Variants in GLT1D1 observed in about 807,000 individuals in gnomAD.
GLT1D1 encodes the protein glycosyltransferase 1 domain containing 1.
A neutral mutation model predicts 28.7 loss-of-function variants in GLT1D1; 21 were observed. The ratio of observed to expected loss-of-function variants is 0.73; its 90% confidence interval spans 0.52 to 1.05. GLT1D1 has a LOEUF of 1.05. Among genes scored for constraint, GLT1D1 ranks in the 50% least tolerant of loss-of-function variants. The pLI is 0.00. For missense variants in GLT1D1, 343 were observed against 330.6 expected, an observed-to-expected ratio of 1.04 and a Z score of -0.29; for synonymous variants, 147 against 124.8, an observed-to-expected ratio of 1.18 and a Z score of -1.19.
intron 4 of GLT1D1, among the ~76,000 whole-genome samples, chr12:128,941,569 CTTTTTT>C (rs550204231): frequency 1.9e-5 from 2 of 107,554 alleles, no homozygotes; most frequent in East Asian, 2.9e-4. Flanking sequence ...CTCTCTTTCT[CTTTTTT>C]TTTTTTTTTT....
In GLT1D1 at chr12:128,926,344, ACTCTT is replaced by A. The variant is rs1410563146; in HGVS notation, c.376-18976_376-18972del. 1.2e-5 allele frequency: 16 copies of A among 1,371,598 alleles called. No homozygotes were observed. In the Admixed American group the frequency reaches 1.2e-4, roughly 10 times the overall value. 85.0% of individuals were successfully genotyped at this position (1,371,598 alleles called of 1,614,324 possible). On this transcript the variant is annotated intron_variant, in intron 4 of 7. Transcript: ENST00000281703. ...GCCCTCCCCACTGAAAACATTCTGA[ACTCTT>A]CTCTTACAGAGATTAACCAAAGTGC... is the stretch of plus-strand genomic sequence containing the variant.
At chr12:128,953,701 C>T (rs1876955429) in intron 6 of GLT1D1, among the ~76,000 whole-genome samples, 2 of 149,846 alleles carry the variant, frequency 1.3e-5, no homozygotes, top group East Asian at 1.9e-4. Context: ...TTCCAAATTC[C>T]TTCCTTCTTT....
Position 128,927,191 on chromosome 12 carries a change from G to C in GLT1D1, c.376-18135G>C, listed in dbSNP as rs188856396. On this transcript the variant is annotated intron_variant, in intron 4 of 7. Transcript: ENST00000281703. The stretch of plus-strand genomic sequence containing the variant: ...TGCAGTAAACACTTATCTCATCTCT[G>C]TTTTCCTCTATATACTTTTTATGTA... The C allele has an allele frequency of 8.3e-5, 118 of 1,428,918 alleles. No individual in the cohort carries two copies. In the East Asian group the frequency reaches 2.8e-3, roughly 34 times the overall value. 88.5% of individuals were successfully genotyped at this position (1,428,918 alleles called of 1,614,324 possible).
chr12:128,934,401 C>T (rs867975609), intron 4 of GLT1D1, among the ~76,000 whole-genome samples: 30 of 152,146 alleles, frequency 2.0e-4, no homozygotes, highest in African/African-American at 6.7e-4. Context: ...GCCATGTTGG[C>T]CAGGCTGGTC....
chr12:128,978,404 G>A (rs1272642846), intron 7 of GLT1D1, among the ~76,000 whole-genome samples: 1 of 152,154 alleles, frequency 6.6e-6, no homozygotes, highest in Non-Finnish European at 1.5e-5. Context: ...CTCCTCCTCC[G>A]TGTGAGTGTC....
chr12:128,864,736 G>A (rs1431577701), intron 1 of GLT1D1, among the ~76,000 whole-genome samples: 1 of 150,744 alleles, frequency 6.6e-6, no homozygotes, highest in African/African-American at 2.5e-5. Flanking sequence ...GAGGAAACAG[G>A]GAGAGGCATG....
At chr12:128,858,196 A>T (rs986074742) in intron 1 of GLT1D1, among the ~76,000 whole-genome samples, 8 of 152,196 alleles carry the variant, frequency 5.3e-5, no homozygotes, top group Admixed American at 3.3e-4. Flanking sequence ...TACAAACCAT[A>T]AAATCCCATC....
intron 1 of GLT1D1, among the ~76,000 whole-genome samples, chr12:128,857,635 TCTC>T (rs1224986773): frequency 2.0e-5 from 3 of 152,036 alleles, no homozygotes; most frequent in Non-Finnish European, 4.4e-5. Context: ...GACTGGATGT[TCTC>T]CTCCAAAATC....
intron 3 of GLT1D1, among the ~76,000 whole-genome samples, chr12:128,895,617 G>A (rs917281722): frequency 5.9e-5 from 9 of 151,756 alleles, no homozygotes; most frequent in East Asian, 3.9e-4. Context: ...CCACCACGCC[G>A]GGCTAATTTT....
chr12:128,963,445 G>A (rs150862565), intron 7 of GLT1D1, among the ~76,000 whole-genome samples: 15 of 152,106 alleles, frequency 9.9e-5, no homozygotes, highest in African/African-American at 2.7e-4. Context: ...TCAGGAGTTC[G>A]AGACCATCCT....
intron 3 of GLT1D1, among the ~76,000 whole-genome samples, chr12:128,895,686 T>C (rs1054063749): frequency 1.3e-5 from 2 of 151,978 alleles, no homozygotes; most frequent in Non-Finnish European, 2.9e-5. Context: ...CTCAAACTCC[T>C]AACCTCAGGT....
chr12:128,864,066 C>G, intron 1 of GLT1D1: 3 of 563,838 alleles, frequency 5.3e-6, no homozygotes, highest in African/African-American at 1.9e-5. Flanking sequence ...TGGCTTGTGC[C>G]GCTGTGTGCA....
At chr12:128,939,820 T>C (rs1431001319) in intron 4 of GLT1D1, among the ~76,000 whole-genome samples, 1 of 144,638 alleles carries the variant, frequency 6.9e-6, no homozygotes. Flanking sequence ...CTGGGGGATG[T>C]TGCCAAATTG....
intron 4 of GLT1D1, among the ~76,000 whole-genome samples, chr12:128,903,215 G>A (rs1356978621): frequency 6.6e-6 from 1 of 151,482 alleles, no homozygotes; most frequent in East Asian, 1.9e-4. Context: ...CAAACCAGTT[G>A]CCTTAAACAC....
Position 128,870,766 on chromosome 12 carries a change from C to T in GLT1D1, c.69-5148C>T, listed in dbSNP as rs542669252. ...CAGCACTTTGGGAGGCTGAGGCAGG[C>T]GGATCACCTGAGGTTGGGAGTTCGA... On this transcript the variant is annotated intron_variant, in intron 1 of 7. Coordinates refer to ENST00000281703, the MANE Select transcript of GLT1D1 (RefSeq NM_144669.3). 5.3e-5 allele frequency among the ~76,000 whole-genome samples: 8 copies of T among 152,212 alleles called. No homozygotes were observed. The South Asian group carries it at 8.3e-4, about 16-fold the overall frequency.
At chr12:128,928,247 G>C (rs1259667999) in intron 4 of GLT1D1, among the ~76,000 whole-genome samples, 2 of 152,074 alleles carry the variant, frequency 1.3e-5, no homozygotes, top group Non-Finnish European at 2.9e-5. Context: ...TTGTTGTGTG[G>C]AAAATGAGTA....
intron 2 of GLT1D1, among the ~76,000 whole-genome samples, chr12:128,886,254 A>G (rs1450100661): frequency 6.6e-6 from 1 of 152,168 alleles, no homozygotes; most frequent in Non-Finnish European, 1.5e-5. Flanking sequence ...CGTTATCAAC[A>G]GCTTGAAAAT....
At chr12:128,935,162 G>T (rs529665609) in intron 4 of GLT1D1, among the ~76,000 whole-genome samples, 2 of 152,362 alleles carry the variant, frequency 1.3e-5, no homozygotes, top group East Asian at 3.9e-4. Flanking sequence ...TCTGGGCGCA[G>T]CCAGGAGGCA....
chr12:128,874,120 C>CCTTCCTT (rs1555261631), intron 1 of GLT1D1, among the ~76,000 whole-genome samples: 1 of 52,782 alleles, frequency 1.9e-5, no homozygotes, highest in African/African-American at 8.8e-5. Context: ...CTCTCTCTCT[C>CCTTCCTT]TCTCTCTTTC....
Sources: gnomAD v4.1 joint callset for allele counts (sites outside exome capture counted in the v4.1 genomes callset) on GRCh38, gnomAD v4.1.1 for gene constraint, MANE v1.5 for transcripts, NCBI Gene and HGNC (gene_info 2026-07-23, HGNC 2026-07-21) for gene names.